Variants in KCNJ8 observed in about 807,000 individuals in gnomAD.
The protein encoded by KCNJ8 is ATP-sensitive inward rectifier potassium channel 8.
A neutral mutation model predicts 28.2 loss-of-function variants in KCNJ8; 13 were observed. That is an observed-to-expected ratio of 0.46 (90% CI 0.30 to 0.73). The LOEUF is 0.73. Ranked by LOEUF, KCNJ8 falls within the 30% of genes least tolerant of loss-of-function variation. The probability of loss-of-function intolerance (pLI) is 0.07; values close to 1 mark genes in which losing one functional copy is unlikely to be tolerated. For synonymous variants in KCNJ8, 188 were observed against 195.9 expected (o/e 0.96, Z 0.34); for missense variants, 284 against 542.6 (o/e 0.52, Z 4.73).
In KCNJ8 at chr12:21,766,263, T is replaced by C. The variant is rs760966729; in HGVS notation, c.735A>G (p.Gln245=). ...TTGGGTTATCAACAGGAATGTCCAG[T>C]TGGTGAATAGGAACCACCTCCCCTT... ...TPEGEVVPIH[Q]LDIPVDNPIE... The change falls in exon 3 of 3, where the codon CAA becomes CAG. Residue 245 remains glutamine (Q), a synonymous_variant. Transcript: ENST00000240662. This position sits in a 1 kb window ranked among gnomAD's most constrained non-coding sequence, Gnocchi z 6.5. 1.1e-5 allele frequency: 17 copies of C among 1,613,968 alleles called. No homozygotes were observed. The highest frequency in any genetic ancestry group is 1.4e-5 in the Non-Finnish European group (17 of 1,180,022).
intron 1 of KCNJ8, among the ~76,000 whole-genome samples, 166 bp downstream of exon 1, chr12:21,774,380 G>A (rs1381390993): frequency 6.7e-6 from 1 of 148,372 alleles, no homozygotes; most frequent in Non-Finnish European, 1.5e-5. Flanking sequence ...TACAAGGTGC[G>A]GGGGGGAAAA....
chr12:21,773,293 A>C lies in KCNJ8; in HGVS notation c.324T>G (p.Ser108Arg). 1 of 1,613,994 alleles carries C rather than the reference A, an allele frequency of 6.2e-7. No homozygotes were observed. Among genetic ancestry groups the C allele is most frequent in the Non-Finnish European group, 8.5e-7 (1 of 1,180,010 alleles). The change falls in exon 2 of 3, where the codon AGT (serine) becomes AGG (arginine). Residue 108 changes from serine to arginine, a missense_variant. Physicochemically the swap from Ser to Arg is moderately radical, Grantham distance 110. Around this residue, in one of 8 missense-constraint regions of KCNJ8, gnomAD observed 42 missense variants for 50.9 expected, o/e 0.83. Coordinates refer to ENST00000240662, the MANE Select transcript of KCNJ8 (RefSeq NM_004982.4). This position sits in a 1 kb window ranked among gnomAD's most constrained non-coding sequence, Gnocchi z 4.6. ...ACTCCAAACCACTTTTCTCCATTCC[A>C]CTTTTCTCCATGTAAGCATAGATGT... ...HGDIYAYMEK[S>R]GMEKSGLEST...
At chr12:21,770,848 C>A (rs984599527) in intron 2 of KCNJ8, among the ~76,000 whole-genome samples, 1 of 152,192 alleles carries the variant, frequency 6.6e-6, no homozygotes, top group African/African-American at 2.4e-5. Flanking sequence ...TACACATTAG[C>A]AATCTCTCAA....
chr12:21,766,823 G>C lies in KCNJ8; in HGVS notation c.375-200C>G. 1 of 599,952 alleles carries C rather than the reference G, an allele frequency of 1.7e-6. No homozygotes were observed. Among genetic ancestry groups the C allele is most frequent in the Non-Finnish European group, 3.0e-6 (1 of 338,176 alleles). The allele number at this position is 599,952 out of a possible 1,614,324, so 37.2% of individuals were successfully genotyped here. ...TCTCTCTTGCATGCATCTACCTCCA[G>C]ACTTCTGGAGATTAACATTCTATTA... On this transcript the variant is annotated intron_variant, in intron 2 of 2. Transcript: ENST00000240662. The surrounding 1 kb of genome is among the most constrained non-coding windows in gnomAD (Gnocchi z 6.5).
intron 2 of KCNJ8, among the ~76,000 whole-genome samples, chr12:21,772,060 C>T (rs1022423921): frequency 6.6e-6 from 1 of 152,150 alleles, no homozygotes; most frequent in African/African-American, 2.4e-5. Context: ...TGTGTGATCT[C>T]TGCGCACTAA....
At chr12:21,771,636 AATT>A (rs1435266850) in intron 2 of KCNJ8, among the ~76,000 whole-genome samples, 1 of 152,184 alleles carries the variant, frequency 6.6e-6, no homozygotes, top group East Asian at 1.9e-4. Context: ...AAAGAATTAG[AATT>A]ATTATTAGTC....
chr12:21,770,019 A>C (rs116462729), intron 2 of KCNJ8, among the ~76,000 whole-genome samples: 2,547 of 152,380 alleles, frequency 0.017, 64 homozygotes, highest in African/African-American at 0.058. Flanking sequence ...GATTAGCTCC[A>C]GTTTTGAAAG....
At chr12:21,767,974 T>A in intron 2 of KCNJ8, among the ~76,000 whole-genome samples, 1 of 152,090 alleles carries the variant, frequency 6.6e-6, no homozygotes, top group Non-Finnish European at 1.5e-5. Flanking sequence ...ATGTCATTAT[T>A]GTAATTGTTT....
chr12:21,773,224 C>T lies in KCNJ8; in HGVS notation c.374+19G>A. The T allele has an allele frequency of 1.2e-6, 2 of 1,612,106 alleles. No individual in the cohort carries two copies. Among genetic ancestry groups the T allele is most frequent in the South Asian group, 1.1e-5 (1 of 90,830 alleles). Reference sequence around the variant, plus strand: ...TCTCTACTGTTTTCAACCCCTGCCTCATCCCACTACATTCTTACCTGACAT... The same window carrying T: ...TCTCTACTGTTTTCAACCCCTGCCTTATCCCACTACATTCTTACCTGACAT... On this transcript the variant is annotated intron_variant, in intron 2 of 2. Transcript: ENST00000240662. The surrounding 1 kb of genome is among the most constrained non-coding windows in gnomAD (Gnocchi z 4.6).
intron 1 of KCNJ8, among the ~76,000 whole-genome samples, chr12:21,774,107 A>G (rs1484470386): frequency 6.6e-6 from 1 of 152,182 alleles, no homozygotes; most frequent in African/African-American, 2.4e-5. Flanking sequence ...AGCAATATTA[A>G]AAGTAAAGAG....
rs1178528693 is a variant in KCNJ8 at position 21,765,314 on chromosome 12, T to G, written c.*409A>C. The G allele has an allele frequency of 7.1e-6, 2 of 283,320 alleles. No homozygotes were observed. Among genetic ancestry groups the G allele is most frequent in the Non-Finnish European group, 1.4e-5 (2 of 146,712 alleles). The allele number at this position is 283,320 out of a possible 1,614,324, so 17.6% of individuals were successfully genotyped here. ...CATGATTTTGTTTTTTCCCCTCCTA[T>G]TCTATTTGCATTTCCAGAGTGATCA... On this transcript the variant is annotated 3_prime_UTR_variant, in exon 3 of 3. Transcript: ENST00000240662.
chr12:21,770,945 T>C (rs1170303596), intron 2 of KCNJ8, among the ~76,000 whole-genome samples: 1 of 152,184 alleles, frequency 6.6e-6, no homozygotes, highest in Non-Finnish European at 1.5e-5. Context: ...TGCACTTTGG[T>C]AGAAAATTAT....
chr12:21,765,197 AACAGATCC>A lies in KCNJ8; in HGVS notation c.*518_*525del. 4.9e-6 allele frequency: 1 copy of A among 204,000 alleles called. No homozygotes were observed. The highest frequency in any genetic ancestry group is 5.3e-5 in the Admixed American group (1 of 18,728). The allele number at this position is 204,000 out of a possible 1,614,324, so 12.6% of individuals were successfully genotyped here. A position where few individuals can be genotyped will look rare whatever the true frequency, so the allele number is the denominator to read the frequency against. ...AGCGAATGAACTGAATCCACTTACA[AACAGATCC>A]ACTTAAGCAGTTTTTGCCTCAGGCT... On this transcript the variant is annotated 3_prime_UTR_variant, in exon 3 of 3. Coordinates refer to ENST00000240662, the MANE Select transcript of KCNJ8 (RefSeq NM_004982.4).
In KCNJ8 at chr12:21,771,255, G is replaced by A. The variant is rs187898098; in HGVS notation, c.374+1988C>T. On this transcript the variant is annotated intron_variant, in intron 2 of 2. Transcript: ENST00000240662. ...TTTAATGGTTTAAGAGACTATTCATGAGCCACATTTTGTATATTGTTTATG... is the reference window on the plus strand; with the variant it reads ...TTTAATGGTTTAAGAGACTATTCATAAGCCACATTTTGTATATTGTTTATG... Among the ~76,000 whole-genome samples, 440 of 152,224 alleles carry A rather than the reference G, an allele frequency of 2.9e-3. 6 individuals carry two copies. The highest frequency in any genetic ancestry group is 0.02 in the Admixed American group (308 of 15,288).
At chr12:21,769,330 C>T (rs1420316789) in intron 2 of KCNJ8, among the ~76,000 whole-genome samples, 2 of 152,020 alleles carry the variant, frequency 1.3e-5, no homozygotes, top group Admixed American at 6.6e-5. Context: ...TATTTGAAGC[C>T]CACTGCTGAG....
At chr12:21,767,845 AT>A (rs899085841) in intron 2 of KCNJ8, among the ~76,000 whole-genome samples, 1 of 152,028 alleles carries the variant, frequency 6.6e-6, no homozygotes, top group Non-Finnish European at 1.5e-5. Context: ...TATTATCACA[AT>A]TTTTTCAAAA....
Position 21,773,212 on chromosome 12 carries a change from C to G in KCNJ8, c.374+31G>C. 4 of 1,610,012 alleles carry G rather than the reference C, an allele frequency of 2.5e-6. No homozygotes were observed. The highest frequency in any genetic ancestry group is 1.1e-5 in the South Asian group (1 of 90,670). ...TTTGACATTTTTTCTCTACTGTTTT[C>G]AACCCCTGCCTCATCCCACTACATT... is the stretch of plus-strand genomic sequence containing the variant. On this transcript the variant is annotated intron_variant, in intron 2 of 2. Transcript: ENST00000240662. This position sits in a 1 kb window ranked among gnomAD's most constrained non-coding sequence, Gnocchi z 4.6.
intron 2 of KCNJ8, among the ~76,000 whole-genome samples, chr12:21,767,280 T>C (rs1940646938): frequency 6.7e-6 from 1 of 150,196 alleles, no homozygotes; most frequent in African/African-American, 2.5e-5. Context: ...TTATTGATGA[T>C]CTAATTTTGT....
Position 21,773,817 on chromosome 12 carries a change from C to T in KCNJ8, c.-70-131G>A, listed in dbSNP as rs1431454066. 4.7e-6 allele frequency: 3 copies of T among 640,200 alleles called. No homozygotes were observed. Among genetic ancestry groups the T allele is most frequent in the Non-Finnish European group, 8.1e-6 (3 of 371,300 alleles). 39.7% of individuals were successfully genotyped at this position (640,200 alleles called of 1,614,324 possible). On this transcript the variant is annotated intron_variant, in intron 1 of 2. Coordinates refer to ENST00000240662, the MANE Select transcript of KCNJ8 (RefSeq NM_004982.4). This position sits in a 1 kb window ranked among gnomAD's most constrained non-coding sequence, Gnocchi z 4.6. ...AAACCAAAAATGTGATTTTTACTAA[C>T]CCAAACATGAATCTAGCTTGTGCTT...
Sources: gnomAD v4.1 joint callset for allele counts (sites outside exome capture counted in the v4.1 genomes callset) on GRCh38, gnomAD v4.1.1 for gene constraint, gnomAD v4.1.1 regional missense constraint, Gnocchi (gnomAD v3.1) non-coding constraint, MANE v1.5 for transcripts, NCBI Gene and HGNC (gene_info 2026-07-23, HGNC 2026-07-21) for gene names.